CAMK1D: variants seen among roughly 807,000 people sequenced by gnomAD.
The protein encoded by CAMK1D is calcium/calmodulin dependent protein kinase ID, also known as calcium/calmodulin-dependent protein kinase type 1D.
CAMK1D carries 9 observed loss-of-function variants against 47.7 expected under a neutral mutation model. That is an observed-to-expected ratio of 0.19 (90% confidence interval 0.11 to 0.33). The LOEUF is 0.33. CAMK1D is among the 10% of genes least tolerant of loss of function. The probability of loss-of-function intolerance (pLI) is 1.00; values close to 1 mark genes in which losing one functional copy is unlikely to be tolerated. For synonymous variants in CAMK1D, 184 were observed against 184.9 expected (o/e 0.99, Z 0.04); for missense variants, 291 against 488.7 (o/e 0.60, Z 3.81).
At chr10:12,664,367 T>TC (rs1840363962) in intron 2 of CAMK1D, among the ~76,000 whole-genome samples, 1 of 152,188 alleles carries the variant, frequency 6.6e-6, no homozygotes, top group Non-Finnish European at 1.5e-5. Context: ...GTGCAACACT[T>TC]CTCTGGAACG....
At chr10:12,550,143 C>T (rs1396207273) in intron 1 of CAMK1D, among the ~76,000 whole-genome samples, 1 of 152,186 alleles carries the variant, frequency 6.6e-6, no homozygotes, top group Non-Finnish European at 1.5e-5. Context: ...TCACTGCTGC[C>T]AAAGGGCTTT....
chr10:12,709,469 T>C (rs1171272289), intron 3 of CAMK1D, among the ~76,000 whole-genome samples: 3 of 151,954 alleles, frequency 2.0e-5, no homozygotes, highest in Non-Finnish European at 4.4e-5. Flanking sequence ...ATATGACAGA[T>C]ACAAAGAACT....
intron 2 of CAMK1D, among the ~76,000 whole-genome samples, chr10:12,646,674 T>G (rs1839819151): frequency 6.6e-6 from 1 of 152,184 alleles, no homozygotes; most frequent in Non-Finnish European, 1.5e-5. Context: ...CCTGGTATCC[T>G]GCACATACTA....
At chr10:12,575,845 A>G (rs753270758) in intron 2 of CAMK1D, among the ~76,000 whole-genome samples, 5 of 152,166 alleles carry the variant, frequency 3.3e-5, no homozygotes, top group East Asian at 1.9e-4. Context: ...ACCTAAACCA[A>G]CCTTCACAAA....
intron 2 of CAMK1D, among the ~76,000 whole-genome samples, chr10:12,563,664 TGAGAGAGAGAGA>T (rs373932374): frequency 2.3e-5 from 3 of 130,056 alleles, no homozygotes; most frequent in African/African-American, 9.2e-5. Flanking sequence ...GCGGAAGGTT[TGAGAGAGAGAGA>T]GAGAGAGAGA....
intron 1 of CAMK1D, among the ~76,000 whole-genome samples, chr10:12,487,670 C>T (rs537074842): frequency 6.6e-6 from 1 of 152,230 alleles, no homozygotes; most frequent in Non-Finnish European, 1.5e-5. Context: ...ACTGGAATCA[C>T]TTCTTGTGGA....
intron 1 of CAMK1D, among the ~76,000 whole-genome samples, chr10:12,415,287 G>GTATT (rs1588461211): frequency 6.6e-6 from 1 of 150,800 alleles, no homozygotes; most frequent in Non-Finnish European, 1.5e-5. Context: ...TATGTATTCT[G>GTATT]TATTTATTTA....
chr10:12,520,382 A>G lies in CAMK1D; in HGVS notation c.93-32843A>G, dbSNP rs1420325590. Among the ~76,000 whole-genome samples, 4 of 97,750 alleles carry G rather than the reference A, an allele frequency of 4.1e-5. 1 individual carries two copies. Among genetic ancestry groups the G allele is most frequent in the Non-Finnish European group, 8.9e-5 (4 of 44,992 alleles). 64.1% of individuals were successfully genotyped at this position (97,750 alleles called of 152,430 possible). ...TTCCTAGTTGGGATGGCGGCCGGGC[A>G]GAGACGCTCCTCACTTCTTAGATGG... is the stretch of plus-strand genomic sequence containing the variant. On this transcript the variant is annotated intron_variant, in intron 1 of 10. Transcript: ENST00000619168.
chr10:12,721,589 C>T (rs1407426950), intron 3 of CAMK1D, among the ~76,000 whole-genome samples: 1 of 152,118 alleles, frequency 6.6e-6, no homozygotes, highest in South Asian at 2.1e-4. Flanking sequence ...TACTAGGTGC[C>T]AGGGCCTTTG....
intron 2 of CAMK1D, among the ~76,000 whole-genome samples, chr10:12,641,463 A>G (rs1839663332): frequency 6.6e-6 from 1 of 151,998 alleles, no homozygotes; most frequent in Non-Finnish European, 1.5e-5. Flanking sequence ...CTCTACTAAA[A>G]ATACAAAAAT....
intron 6 of CAMK1D, among the ~76,000 whole-genome samples, chr10:12,808,435 G>C (rs1832455261): frequency 6.6e-6 from 1 of 152,170 alleles, no homozygotes; most frequent in South Asian, 2.1e-4. Flanking sequence ...TCCTGGCCTA[G>C]GTAGGCCTAC....
intron 1 of CAMK1D, among the ~76,000 whole-genome samples, chr10:12,435,605 GGA>G (rs1832611770): frequency 6.6e-6 from 1 of 152,162 alleles, no homozygotes; most frequent in African/African-American, 2.4e-5. Flanking sequence ...GCAGGTTGGA[GGA>G]TGGCTTAGTG....
chr10:12,414,505 C>T lies in CAMK1D; in HGVS notation c.92+64595C>T, dbSNP rs557453361. 3.9e-5 allele frequency among the ~76,000 whole-genome samples: 6 copies of T among 152,268 alleles called. No individual in the cohort carries two copies. The South Asian group carries it at 1.2e-3, about 32-fold the overall frequency. On this transcript the variant is annotated intron_variant, in intron 1 of 10. Coordinates refer to ENST00000619168, the MANE Select transcript of CAMK1D (RefSeq NM_153498.4). ...TGTTATCTGTCGTGTCTGAATTTCT[C>T]ATAGTCAGTGGGAGATGTACGTTTT...
chr10:12,753,419 C>A (rs1288193457), intron 3 of CAMK1D, among the ~76,000 whole-genome samples: 3 of 152,204 alleles, frequency 2.0e-5, no homozygotes, highest in Non-Finnish European at 4.4e-5. Flanking sequence ...CCTAGGACAC[C>A]TCAGGAAATA....
intron 1 of CAMK1D, among the ~76,000 whole-genome samples, chr10:12,489,089 C>T (rs1834301407): frequency 6.6e-6 from 1 of 152,156 alleles, no homozygotes; most frequent in South Asian, 2.1e-4. Flanking sequence ...GCGCCCGCCA[C>T]CGTGCCTGGC....
chr10:12,714,679 A>G (rs1204340831), intron 3 of CAMK1D, among the ~76,000 whole-genome samples: 1 of 151,994 alleles, frequency 6.6e-6, no homozygotes, highest in Non-Finnish European at 1.5e-5. Flanking sequence ...AGATCACGCC[A>G]CTGCACTCCA....
At chr10:12,605,235 G>T (rs1170522775) in intron 2 of CAMK1D, among the ~76,000 whole-genome samples, 2 of 152,056 alleles carry the variant, frequency 1.3e-5, no homozygotes, top group Non-Finnish European at 2.9e-5. Context: ...CTGGCTCCAT[G>T]AAGGCCATGA....
At chr10:12,700,146 T>G (rs1342673264) in intron 3 of CAMK1D, among the ~76,000 whole-genome samples, 1 of 152,184 alleles carries the variant, frequency 6.6e-6, no homozygotes. Context: ...AAAGCTTACA[T>G]AACACACATA....
intron 3 of CAMK1D, among the ~76,000 whole-genome samples, chr10:12,719,690 A>T (rs973376247): frequency 1.3e-5 from 2 of 152,226 alleles, no homozygotes. Flanking sequence ...ACCCAGTGCC[A>T]GCACTGAACC....
Sources: gnomAD v4.1 joint callset for allele counts (sites outside exome capture counted in the v4.1 genomes callset) on GRCh38, gnomAD v4.1.1 for gene constraint, MANE v1.5 for transcripts, NCBI Gene and HGNC (gene_info 2026-07-23, HGNC 2026-07-21) for gene names.